C8orf34: variants seen among roughly 807,000 people sequenced by gnomAD.
C8orf34 encodes chromosome 8 open reading frame 34, also known as uncharacterized protein C8orf34.
C8orf34 carries 65 observed loss-of-function variants against 68.3 expected under a neutral mutation model. That is an observed-to-expected ratio of 0.95 (90% CI 0.78 to 1.17). C8orf34 has a LOEUF of 1.17. Ranked by LOEUF, C8orf34 falls within the 50% of genes most tolerant of loss-of-function variation. The pLI, the probability that C8orf34 is intolerant of heterozygous loss-of-function variation, is 0.00. For synonymous variants in C8orf34, 244 were observed against 241.2 expected, an observed-to-expected ratio of 1.01 and a Z score of -0.11; for missense variants, 664 against 655.4, an observed-to-expected ratio of 1.01 and a Z score of -0.14.
intron 9 of C8orf34, among the ~76,000 whole-genome samples, chr8:68,714,718 C>A (rs1262633553): frequency 2.0e-5 from 3 of 152,078 alleles, no homozygotes; most frequent in African/African-American, 7.2e-5. Context: ...TCTACAAATT[C>A]AATGAAATTC....
chr8:68,769,314 A>T (rs1177272787), intron 10 of C8orf34, among the ~76,000 whole-genome samples: 5 of 150,632 alleles, frequency 3.3e-5, no homozygotes, highest in African/African-American at 1.2e-4. Context: ...TTATTTTTAA[A>T]CTTTCCCTCT....
At chr8:68,411,747 A>T (rs1352043236) in intron 1 of C8orf34, among the ~76,000 whole-genome samples, 1 of 152,212 alleles carries the variant, frequency 6.6e-6, no homozygotes, top group Non-Finnish European at 1.5e-5. Context: ...TACTTTCAAT[A>T]AACCACTAGG....
intron 7 of C8orf34, among the ~76,000 whole-genome samples, chr8:68,536,490 CAT>C (rs996166907): frequency 5.3e-4 from 80 of 150,694 alleles, no homozygotes; most frequent in African/African-American, 1.9e-3. Flanking sequence ...ACCTTGGAAA[CAT>C]GTGCCCATTT....
intron 8 of C8orf34, among the ~76,000 whole-genome samples, chr8:68,643,516 A>C (rs566455718): frequency 6.6e-6 from 1 of 152,296 alleles, no homozygotes; most frequent in Admixed American, 6.5e-5. Flanking sequence ...TATGTCTCCC[A>C]CTTCAGGAGA....
intron 12 of C8orf34, among the ~76,000 whole-genome samples, chr8:68,798,163 CT>C (rs1824232477): frequency 1.3e-5 from 2 of 149,440 alleles, no homozygotes; most frequent in Admixed American, 6.6e-5. Flanking sequence ...ATATATTTAG[CT>C]TTTAAATAGA....
intron 5 of C8orf34, among the ~76,000 whole-genome samples, chr8:68,505,825 A>ATATATCTG (rs1436693608): frequency 6.6e-6 from 1 of 152,198 alleles, no homozygotes; most frequent in Non-Finnish European, 1.5e-5. Context: ...AGGAATAAAA[A>ATATATCTG]TATATCTGAA....
At chr8:68,518,871 C>T (rs143831229) in intron 5 of C8orf34, among the ~76,000 whole-genome samples, 2,173 of 121,344 alleles carry the variant, frequency 0.018, 19 homozygotes, top group Middle Eastern at 0.047. Flanking sequence ...TCCAGCCTGG[C>T]GACAGAGCAA....
intron 12 of C8orf34, among the ~76,000 whole-genome samples, chr8:68,797,459 C>A (rs549561052): frequency 9.2e-5 from 14 of 152,144 alleles, no homozygotes; most frequent in Non-Finnish European, 2.9e-5. Context: ...TGCTATGACT[C>A]CTGAGAGCAG....
intron 7 of C8orf34, among the ~76,000 whole-genome samples, chr8:68,613,762 G>T (rs1424835086): frequency 6.6e-6 from 1 of 151,958 alleles, no homozygotes; most frequent in Non-Finnish European, 1.5e-5. Flanking sequence ...ATGTGCATGT[G>T]TCTTTATAGC....
intron 8 of C8orf34, among the ~76,000 whole-genome samples, chr8:68,664,751 C>A (rs142121078): frequency 2.0e-5 from 3 of 152,168 alleles, no homozygotes; most frequent in Admixed American, 6.5e-5. Context: ...CCAGGGAAGC[C>A]ACAGCACAGC....
intron 1 of C8orf34, among the ~76,000 whole-genome samples, chr8:68,337,049 A>G (rs1012424628): frequency 6.6e-6 from 1 of 152,224 alleles, no homozygotes; most frequent in African/African-American, 2.4e-5. Context: ...AAGTAGAAGG[A>G]TGATGGAATT....
rs190402349 is a variant in C8orf34, at chr8:68,489,570, G to A, written c.765+1519G>A. On this transcript the variant is annotated intron_variant, in intron 5 of 13. Coordinates refer to ENST00000518698, the MANE Select transcript of C8orf34 (RefSeq NM_052958.4). ...TTTATGCAATATTCTTAGTAATTTT[G>A]TGCATGAAACAAAGTCTTGACTGGA... Among the ~76,000 whole-genome samples the A allele has an allele frequency of 2.0e-5, 3 of 152,240 alleles. No homozygotes were observed. The East Asian group carries it at 5.8e-4, about 29-fold the overall frequency.
intron 4 of C8orf34, among the ~76,000 whole-genome samples, chr8:68,470,833 C>T (rs1812349904): frequency 1.3e-5 from 2 of 152,074 alleles, no homozygotes; most frequent in African/African-American, 4.8e-5. Flanking sequence ...CCCACATGTC[C>T]TAATTACCTC....
chr8:68,555,684 A>G (rs1816229902), intron 7 of C8orf34, among the ~76,000 whole-genome samples: 2 of 152,098 alleles, frequency 1.3e-5, no homozygotes, highest in African/African-American at 4.8e-5. Context: ...TAATGTATAT[A>G]TTTTTTAAAT....
intron 1 of C8orf34, among the ~76,000 whole-genome samples, chr8:68,350,675 C>T (rs1392880258): frequency 6.6e-6 from 1 of 152,020 alleles, no homozygotes; most frequent in African/African-American, 2.4e-5. Flanking sequence ...GAACCCTTTA[C>T]AATTATGTAA....
chr8:68,649,306 T>C (rs1204478513), intron 8 of C8orf34, among the ~76,000 whole-genome samples: 1 of 152,214 alleles, frequency 6.6e-6, no homozygotes, highest in Non-Finnish European at 1.5e-5. Context: ...TCAGATACTG[T>C]GATATGCTCT....
chr8:68,347,900 G>A lies in C8orf34; in HGVS notation c.327+16561G>A, dbSNP rs76350856. ...CATAATTTTGAAATATTTTCTCCCC[G>A]CTCTGTAGGTTGTCTGTTTACTCTG... On this transcript the variant is annotated intron_variant, in intron 1 of 13. Coordinates refer to ENST00000518698, the MANE Select transcript of C8orf34 (RefSeq NM_052958.4). 8.1e-3 allele frequency among the ~76,000 whole-genome samples: 1,235 copies of A among 151,632 alleles called. 39 individuals are homozygous for A. In the East Asian group the frequency reaches 0.1, roughly 13 times the overall value.
In C8orf34 at chr8:68,475,667, CAA is replaced by C. The variant is rs1269723080; in HGVS notation, c.736+6849_736+6850del. Among the ~76,000 whole-genome samples, 116 of 152,282 alleles carry C rather than the reference CAA, an allele frequency of 7.6e-4. 1 individual carries two copies. The East Asian group carries it at 0.011, about 14-fold the overall frequency. ...ATAGATAGCTAAGTAAGCACGTAAACAAATAAATAAACATCCTAAAAGCTAAA... is the reference window on the plus strand; with the variant it reads ...ATAGATAGCTAAGTAAGCACGTAAACATAAATAAACATCCTAAAAGCTAAA... On this transcript the variant is annotated intron_variant, in intron 4 of 13. Transcript: ENST00000518698.
chr8:68,509,446 A>G (rs1326415543), intron 5 of C8orf34, among the ~76,000 whole-genome samples: 1 of 152,184 alleles, frequency 6.6e-6, no homozygotes, highest in Non-Finnish European at 1.5e-5. Flanking sequence ...TTTTGCTGGC[A>G]TGTTGGGCTT....
Sources: allele counts gnomAD v4.1 joint callset (sites outside exome capture counted in the v4.1 genomes callset), GRCh38; gene constraint gnomAD v4.1.1; transcripts MANE v1.5; gene names NCBI Gene and HGNC (gene_info 2026-07-23, HGNC 2026-07-21).